The following DGLUCY variants were observed in gnomAD, a reference collection of about 807,000 sequenced individuals.
DGLUCY encodes the protein D-glutamate cyclase, mitochondrial.
DGLUCY carries 58 observed loss-of-function variants against 58.5 expected under a neutral mutation model. The observed-to-expected ratio is 0.99, with a 90% CI of 0.80 to 1.23. The LOEUF is 1.23. Ranked by LOEUF, DGLUCY falls within the 50% of genes most tolerant of loss-of-function variation. DGLUCY has a pLI of 0.00. For synonymous variants in DGLUCY, 325 were observed against 314.1 expected (o/e 1.03, Z -0.37); for missense variants, 779 against 784.7 (o/e 0.99, Z 0.09).
At chr14:91,088,820 C>T (rs898113926) in intron 1 of DGLUCY, among the ~76,000 whole-genome samples, 50 of 152,228 alleles carry the variant, frequency 3.3e-4, no homozygotes, top group African/African-American at 1.2e-3. Flanking sequence ...CCTGAAGCCA[C>T]ATGTATTCTG....
At chr14:91,104,929 G>A (rs1183507009), upstream of DGLUCY, among the ~76,000 whole-genome samples, 1 of 152,210 alleles carries the variant, frequency 6.6e-6, no homozygotes, top group Non-Finnish European at 1.5e-5. Context: ...ATAGAGTTGT[G>A]ATAACTGAAT....
At chr14:91,140,603 G>A (rs566177788) in intron 1 of DGLUCY, among the ~76,000 whole-genome samples, 1 of 152,216 alleles carries the variant, frequency 6.6e-6, no homozygotes, top group African/African-American at 2.4e-5. Flanking sequence ...CCTGGGAGGC[G>A]GAGGTTGGAG....
intron 3 of DGLUCY, among the ~76,000 whole-genome samples, chr14:91,166,854 CT>C (rs764399434): frequency 6.6e-6 from 1 of 152,006 alleles, no homozygotes; most frequent in Admixed American, 6.6e-5. Context: ...TAACCCAGCA[CT>C]TTGGGAGGCC....
intron 12 of DGLUCY, among the ~76,000 whole-genome samples, chr14:91,214,340 C>T: frequency 6.6e-6 from 1 of 152,160 alleles, no homozygotes; most frequent in South Asian, 2.1e-4. Context: ...GCATGGAGAA[C>T]TCAAGCAGGT....
At chr14:91,198,129 GCCTCC>G (rs1204981844) in intron 10 of DGLUCY, among the ~76,000 whole-genome samples, 1 of 152,156 alleles carries the variant, frequency 6.6e-6, no homozygotes, top group Non-Finnish European at 1.5e-5. Context: ...TGCAGCCTCT[GCCTCC>G]CGGGTTCAAG....
chr14:91,130,652 T>G (rs2045975865), intron 1 of DGLUCY, among the ~76,000 whole-genome samples: 1 of 151,824 alleles, frequency 6.6e-6, no homozygotes, highest in African/African-American at 2.4e-5. Context: ...CAAGGTCTTA[T>G]TCTGTCACCC....
chr14:91,203,413 C>G (rs985936708), intron 11 of DGLUCY, among the ~76,000 whole-genome samples: 1 of 152,204 alleles, frequency 6.6e-6, no homozygotes. Context: ...ATCTTCCAAG[C>G]CTTTATAGAA....
At chr14:91,173,907 T>A (rs2048716587) in intron 6 of DGLUCY, among the ~76,000 whole-genome samples, 1 of 152,090 alleles carries the variant, frequency 6.6e-6, no homozygotes, top group Non-Finnish European at 1.5e-5. Context: ...CCACAATTCC[T>A]GGCTCATAAC....
intron 1 of DGLUCY, among the ~76,000 whole-genome samples, chr14:91,069,915 G>A (rs2043888383): frequency 1.3e-5 from 2 of 151,248 alleles, no homozygotes; most frequent in African/African-American, 2.4e-5. Flanking sequence ...CAAGTAGCTG[G>A]GATTACAGGT....
chr14:91,223,630 A>C (rs756475575), intron 13 of DGLUCY: 1 of 1,263,650 alleles, frequency 7.9e-7, no homozygotes, highest in African/African-American at 1.6e-5. Context: ...TTTTGGAAGG[A>C]GGGGGGATGG....
intron 13 of DGLUCY, chr14:91,223,553 G>C: frequency 1.6e-6 from 1 of 609,268 alleles, no homozygotes; most frequent in South Asian, 1.8e-5. Context: ...GTCCTTAGGG[G>C]AACCTGAGCT....
At chr14:91,147,638 C>T (rs1351747220) in intron 1 of DGLUCY, 1 of 152,210 alleles carries the variant, frequency 6.6e-6, no homozygotes, top group Non-Finnish European at 1.5e-5. Flanking sequence ...CATATATACA[C>T]ACACTAAATC....
intron 11 of DGLUCY, among the ~76,000 whole-genome samples, chr14:91,201,640 C>G (rs2050569074): frequency 6.6e-6 from 1 of 152,066 alleles, no homozygotes; most frequent in Non-Finnish European, 1.5e-5. Flanking sequence ...GATGAGGTCT[C>G]ACTATATTGC....
intron 1 of DGLUCY, among the ~76,000 whole-genome samples, chr14:91,067,835 C>A (rs1566927966): frequency 6.6e-6 from 1 of 152,150 alleles, no homozygotes; most frequent in Non-Finnish European, 1.5e-5. Context: ...CAGGCCTGAG[C>A]CACTGCACCT....
At chr14:91,162,113 G>A (rs1375376302) in intron 3 of DGLUCY, among the ~76,000 whole-genome samples, 2 of 152,108 alleles carry the variant, frequency 1.3e-5, no homozygotes, top group Non-Finnish European at 2.9e-5. Context: ...AGTAGCAGCA[G>A]AACCTTCCCA....
intron 1 of DGLUCY, among the ~76,000 whole-genome samples, chr14:91,087,481 C>T (rs1253775468): frequency 1.3e-5 from 2 of 152,228 alleles, no homozygotes; most frequent in African/African-American, 4.8e-5. Flanking sequence ...AATCAATGTA[C>T]TTTATGTTCT....
At chr14:91,154,319 C>T (rs1595778763) in intron 1 of DGLUCY, among the ~76,000 whole-genome samples, 1 of 152,284 alleles carries the variant, frequency 6.6e-6, no homozygotes, top group East Asian at 1.9e-4. Context: ...GAGGAGTAGT[C>T]ACTTATGCCT....
At chr14:91,163,467 T>C (rs1182290322) in intron 3 of DGLUCY, among the ~76,000 whole-genome samples, 3 of 152,124 alleles carry the variant, frequency 2.0e-5, no homozygotes, top group Non-Finnish European at 2.9e-5. Flanking sequence ...GTGTCCTCAT[T>C]TGGAAAGTCT....
chr14:91,161,784 G>A (rs1261859268), intron 3 of DGLUCY, among the ~76,000 whole-genome samples: 5 of 149,670 alleles, frequency 3.3e-5, no homozygotes, highest in African/African-American at 9.9e-5. Flanking sequence ...ATATAAATTG[G>A]TGCAAAAGTA....
Sources: gnomAD v4.1 joint callset for allele counts (sites outside exome capture counted in the v4.1 genomes callset) on GRCh38, gnomAD v4.1.1 for gene constraint, MANE v1.5 for transcripts, NCBI Gene and HGNC (gene_info 2026-07-23, HGNC 2026-07-21) for gene names.